The following MAN2B2 variants were observed in gnomAD, a reference collection of about 807,000 sequenced individuals.
MAN2B2 encodes the protein epididymis-specific alpha-mannosidase.
MAN2B2 carries 106 observed loss-of-function variants against 117.1 expected under a neutral mutation model. The observed-to-expected ratio is 0.90, with a 90% CI of 0.77 to 1.06. The LOEUF is 1.06. MAN2B2 is among the 50% of genes least tolerant of loss of function. MAN2B2 has a pLI of 0.00. For missense variants in MAN2B2, 1,326 were observed against 1,381.4 expected (o/e 0.96, Z 0.64); for synonymous variants, 544 against 595.1 (o/e 0.91, Z 1.25).
chr4:6,595,213 G>A (rs966843308), intron 7 of MAN2B2, among the ~76,000 whole-genome samples: 6 of 152,244 alleles, frequency 3.9e-5, no homozygotes, highest in African/African-American at 1.4e-4. Context: ...TGAGAGCTAA[G>A]AGGGCTGGCT....
At position 6,594,750 on chromosome 4, in the gene MAN2B2, C is replaced by T. The variant is rs75128884; in HGVS notation, c.1057+18C>T. On this transcript the variant is annotated intron_variant, in intron 7 of 18. Transcript: ENST00000285599. ...TTCCACAGGTACAGGCTTCCAGGGG[C>T]TGGGGTGGTAGTTTGGTGGCAGGGA... The T allele has an allele frequency of 0.015, 23,672 of 1,596,978 alleles. 195 individuals are homozygous for T. The highest frequency in any genetic ancestry group is 0.017 in the Non-Finnish European group (19,799 of 1,173,202).
At chr4:6,604,791 A>G (rs1427746924) in intron 10 of MAN2B2, among the ~76,000 whole-genome samples, 1 of 152,076 alleles carries the variant, frequency 6.6e-6, no homozygotes, top group African/African-American at 2.4e-5. Context: ...GGGGGTGTTC[A>G]GGAGCTCCCA....
In MAN2B2 at chr4:6,609,948, C is replaced by T. The variant is rs1268882464; in HGVS notation, c.2157C>T (p.Thr719=). 6.2e-7 allele frequency: 1 copy of T among 1,614,056 alleles called. No individual in the cohort carries two copies. The highest frequency in any genetic ancestry group is 8.5e-7 in the Non-Finnish European group (1 of 1,180,040). Residue 719 remains threonine (T), a synonymous_variant, in exon 13 of 19, where the codon ACC becomes ACT. Transcript: ENST00000285599. ...LELNREAVLR[T]STNLNSQQVI... ...TGAACCGTGAGGCTGTCCTGAGGAC[C>T]AGCACCAACCTAAACAGCCAGCAGG...
intron 3 of MAN2B2, among the ~76,000 whole-genome samples, chr4:6,582,227 A>G (rs964960365): frequency 6.7e-6 from 1 of 150,258 alleles, no homozygotes; most frequent in Non-Finnish European, 1.5e-5. Flanking sequence ...CCCCAACCCC[A>G]CTCCCTTCCC....
chr4:6,608,639 G>A (rs1016477232), intron 11 of MAN2B2, among the ~76,000 whole-genome samples: 16 of 152,190 alleles, frequency 1.1e-4, no homozygotes, highest in African/African-American at 3.1e-4. Flanking sequence ...CGGATGCCTC[G>A]GGAGTGGGAT....
intron 18 of MAN2B2, 182 bp from the exon 19 acceptor site, chr4:6,621,006 A>G: frequency 1.8e-6 from 1 of 563,484 alleles, no homozygotes; most frequent in Non-Finnish European, 3.2e-6. Flanking sequence ...GCCACAGCAG[A>G]CTGTAGCCAG....
At chr4:6,581,026 CAT>C (rs1354546064) in intron 3 of MAN2B2, among the ~76,000 whole-genome samples, 5 of 152,204 alleles carry the variant, frequency 3.3e-5, no homozygotes, top group African/African-American at 9.6e-5. Context: ...AGGGTACAGA[CAT>C]GTGGGTTTCT....
chr4:6,600,858 C>T (rs1176922877), intron 10 of MAN2B2, 102 bp downstream of exon 10: 4 of 1,405,404 alleles, frequency 2.8e-6, no homozygotes, highest in African/African-American at 2.9e-5. Flanking sequence ...GGCCTTATCA[C>T]CTTTGTTTTA....
Position 6,611,240 on chromosome 4 carries a change from T to C in MAN2B2, c.2525T>C (p.Leu842Pro). ...TALRQRSALA[L>P]QHRPVVLFGD... is the part of the protein sequence containing the mutation. ...CTGCGCCAGAGGAGCGCACTGGCGC[T>C]GCAGCACAGGCCCGTGGTGCTGTTC... The change falls in exon 15 of 19, where the codon CTG becomes CCG. Residue 842 changes from leucine (L) to proline (P), a missense_variant. By Grantham distance (98) the Leu-to-Pro change is moderately conservative. Transcript: ENST00000285599. The C allele has an allele frequency of 6.2e-7, 1 of 1,613,038 alleles. No homozygotes were observed. The highest frequency in any genetic ancestry group is 8.5e-7 in the Non-Finnish European group (1 of 1,179,712).
Position 6,605,122 on chromosome 4 carries a change from G to C in MAN2B2, c.1607G>C (p.Ser536Thr), listed in dbSNP as rs531874987. 7 of 1,614,180 alleles carry C rather than the reference G, an allele frequency of 4.3e-6. No homozygotes were observed. In the South Asian group the frequency reaches 6.6e-5, roughly 15 times the overall value. The change falls in exon 11 of 19, where the codon AGT (serine) becomes ACT (threonine). Residue 536 changes from serine to threonine, a missense_variant. Transcript: ENST00000285599. ...LLILTTIPGL[S>T]YRHYNIRPTA... The stretch of plus-strand genomic sequence containing the variant: ...ATTCTGACCACAATCCCAGGCCTCA[G>C]TTACCGGCACTACAACATCAGACCC...
intron 9 of MAN2B2, 103 bp downstream of exon 9, chr4:6,598,457 C>T (rs1727197284): frequency 1.6e-6 from 2 of 1,261,792 alleles, no homozygotes; most frequent in African/African-American, 1.5e-5. Flanking sequence ...TCTGAGTCCA[C>T]ATCACCCATA....
rs534620086 is a variant in MAN2B2, at chr4:6,586,054, T to G, written c.392-942T>G. 9.6e-4 allele frequency among the ~76,000 whole-genome samples: 120 copies of G among 125,570 alleles called. 5 individuals carry two copies. In the South Asian group the frequency reaches 0.028, roughly 29 times the overall value. 82.4% of individuals were successfully genotyped at this position (125,570 alleles called of 152,430 possible). ...AATTTATGGACATCTTTTCTTGTGGTTTTTTTTTTTTTGAGACAGAGTCTC... is the reference window on the plus strand; with the variant it reads ...AATTTATGGACATCTTTTCTTGTGGGTTTTTTTTTTTTGAGACAGAGTCTC... On this transcript the variant is annotated intron_variant, in intron 3 of 18. Transcript: ENST00000285599.
Position 6,593,233 on chromosome 4 carries a change from C to T in MAN2B2, c.741C>T (p.Tyr247=). 6.2e-7 allele frequency: 1 copy of T among 1,613,932 alleles called. No homozygotes were observed. Among genetic ancestry groups the T allele is most frequent in the African/African-American group, 1.3e-5 (1 of 75,044 alleles). Residue 247 remains tyrosine (Y), a synonymous_variant, in exon 6 of 19, where the codon TAC becomes TAT. Transcript: ENST00000285599. ...VFPKPPQDGV[Y]PNMSEPVTPA... is the part of the protein sequence containing the mutation. Reference sequence around the variant, plus strand: ...CCAAGCCTCCCCAAGATGGGGTGTACCCCAACATGAGTGAGCCTGTCACCC... The same window carrying T: ...CCAAGCCTCCCCAAGATGGGGTGTATCCCAACATGAGTGAGCCTGTCACCC...
At chr4:6,601,970 C>G (rs536971596) in intron 10 of MAN2B2, among the ~76,000 whole-genome samples, 2 of 152,318 alleles carry the variant, frequency 1.3e-5, no homozygotes, top group African/African-American at 4.8e-5. Context: ...GTTGGATCTA[C>G]CCAGCGGACT....
At chr4:6,616,127 G>A (rs1711861775) in intron 16 of MAN2B2, among the ~76,000 whole-genome samples, 1 of 152,072 alleles carries the variant, frequency 6.6e-6, no homozygotes, top group Non-Finnish European at 1.5e-5. Flanking sequence ...TAATACTGAT[G>A]CCTCAATTCT....
intron 16 of MAN2B2, among the ~76,000 whole-genome samples, chr4:6,615,929 G>A (rs373341203): frequency 1.6e-3 from 240 of 152,166 alleles, no homozygotes; most frequent in Non-Finnish European, 2.4e-3. Flanking sequence ...TCAGCCTCCC[G>A]AGTAGCTGGG....
intron 15 of MAN2B2, among the ~76,000 whole-genome samples, chr4:6,612,680 C>A (rs1379589873): frequency 6.6e-6 from 1 of 152,246 alleles, no homozygotes; most frequent in Non-Finnish European, 1.5e-5. Context: ...CCAGACCAGT[C>A]AGTGGTTCCT....
chr4:6,592,042 T>C (rs1254212935), intron 5 of MAN2B2, among the ~76,000 whole-genome samples: 2 of 152,228 alleles, frequency 1.3e-5, no homozygotes, highest in Non-Finnish European at 2.9e-5. Context: ...CCACCAGCTC[T>C]GCAGCCTCCA....
At chr4:6,585,838 C>A (rs958855537) in intron 3 of MAN2B2, among the ~76,000 whole-genome samples, 1 of 152,134 alleles carries the variant, frequency 6.6e-6, no homozygotes, top group East Asian at 1.9e-4. Context: ...CTGGTCATGG[C>A]ACAGCAGCTG....
Sources: gnomAD v4.1 joint callset for allele counts (sites outside exome capture counted in the v4.1 genomes callset) on GRCh38, gnomAD v4.1.1 for gene constraint, MANE v1.5 for transcripts, NCBI Gene and HGNC (gene_info 2026-07-23, HGNC 2026-07-21) for gene names.